COL26A1: variants seen among roughly 807,000 people sequenced by gnomAD.
The protein encoded by COL26A1 is collagen alpha-1(XXVI) chain.
In COL26A1, 41 loss-of-function variants were observed where a neutral mutation model predicts 59.3. The ratio of observed to expected loss-of-function variants is 0.69; its 90% CI spans 0.54 to 0.90. COL26A1 has a LOEUF of 0.90. Among genes scored for constraint, COL26A1 ranks in the 40% least tolerant of loss-of-function variants. The pLI, the probability that COL26A1 is intolerant of heterozygous loss-of-function variation, is 0.00. For synonymous variants in COL26A1, 266 were observed against 256.0 expected (o/e 1.04, Z -0.37); for missense variants, 612 against 602.3 (o/e 1.02, Z -0.17).
At chr7:101,508,043 A>G (rs1384184534) in intron 3 of COL26A1, among the ~76,000 whole-genome samples, 1 of 152,146 alleles carries the variant, frequency 6.6e-6, no homozygotes, top group African/African-American at 2.4e-5. Flanking sequence ...TGAATCCCAC[A>G]GCCTCCTGGC....
chr7:101,434,572 T>G (rs1792869703), intron 2 of COL26A1, among the ~76,000 whole-genome samples: 1 of 152,002 alleles, frequency 6.6e-6, no homozygotes, highest in Non-Finnish European at 1.5e-5. Flanking sequence ...TGATTTTTTT[T>G]TTTTTAATAA....
intron 1 of COL26A1, among the ~76,000 whole-genome samples, chr7:101,372,467 G>A (rs1791218017): frequency 6.6e-6 from 1 of 152,098 alleles, no homozygotes; most frequent in South Asian, 2.1e-4. Flanking sequence ...TGGCCTTCTG[G>A]GGAGCATTTT....
chr7:101,370,070 A>G (rs1024627385), intron 1 of COL26A1, among the ~76,000 whole-genome samples: 1 of 152,004 alleles, frequency 6.6e-6, no homozygotes, highest in Non-Finnish European at 1.5e-5. Flanking sequence ...CATGTTGGTC[A>G]GGCTGGTCTC....
intron 1 of COL26A1, among the ~76,000 whole-genome samples, chr7:101,409,241 G>A (rs1411215970): frequency 7.2e-5 from 11 of 152,108 alleles, no homozygotes; most frequent in Non-Finnish European, 2.9e-5. Flanking sequence ...CCTCCTCCTT[G>A]CTATTTTTCC....
intron 5 of COL26A1, 24 bp from the exon 6 acceptor site, chr7:101,543,974 T>C: frequency 6.6e-7 from 1 of 1,512,076 alleles, no homozygotes; most frequent in African/African-American, 1.4e-5. Flanking sequence ...CATGTTCTGA[T>C]GCCCTGTCTC....
At chr7:101,410,256 A>G (rs966309029) in intron 1 of COL26A1, among the ~76,000 whole-genome samples, 1 of 152,164 alleles carries the variant, frequency 6.6e-6, no homozygotes, top group Admixed American at 6.6e-5. Flanking sequence ...GCAAACTCTA[A>G]AAAGTATTGC....
At chr7:101,520,719 T>C (rs1795126842) in intron 3 of COL26A1, among the ~76,000 whole-genome samples, 1 of 151,792 alleles carries the variant, frequency 6.6e-6, no homozygotes, top group Non-Finnish European at 1.5e-5. Flanking sequence ...GTGGTCTTCC[T>C]TTTGCTCCCC....
intron 1 of COL26A1, among the ~76,000 whole-genome samples, chr7:101,367,689 G>A (rs114418487): frequency 2.6e-4 from 24 of 92,312 alleles, no homozygotes; most frequent in Non-Finnish European, 4.0e-4. Context: ...AAAAAAAAAA[G>A]AAGAAGAGAA....
rs758163261 is a variant in COL26A1, at chr7:101,544,031, C to A, written c.638C>A (p.Ala213Glu). 6.3e-7 allele frequency: 1 copy of A among 1,596,750 alleles called. No individual in the cohort carries two copies. Among genetic ancestry groups the A allele is most frequent in the Non-Finnish European group, 8.5e-7 (1 of 1,172,450 alleles). The part of the protein sequence containing the change: ...PPGQTGPPGP[A>E]GPPGSKGDRG... The stretch of plus-strand genomic sequence containing the variant: ...GGGCAGACAGGACCACCAGGGCCTG[C>A]AGGCCCCCCCGGGTCTAAAGGTGAC... The change falls in exon 6 of 13, where the codon GCA becomes GAA. Residue 213 changes from alanine (A) to glutamate (E), a missense_variant. Transcript: ENST00000313669.
At chr7:101,379,181 G>T (rs1054598217) in intron 1 of COL26A1, among the ~76,000 whole-genome samples, 7 of 152,156 alleles carry the variant, frequency 4.6e-5, no homozygotes, top group Admixed American at 4.6e-4. Flanking sequence ...GCTCCAAGAA[G>T]TCTTGGCCTG....
intron 1 of COL26A1, among the ~76,000 whole-genome samples, chr7:101,386,235 T>G (rs890229440): frequency 2.5e-4 from 38 of 150,574 alleles, no homozygotes; most frequent in African/African-American, 8.8e-4. Context: ...TGAGCAGGCC[T>G]CCTCTGGTCC....
chr7:101,426,192 A>G (rs1366839976), intron 2 of COL26A1, among the ~76,000 whole-genome samples: 1 of 152,116 alleles, frequency 6.6e-6, no homozygotes, highest in Non-Finnish European at 1.5e-5. Flanking sequence ...CGTGCTGGGT[A>G]GAATTCCCTG....
intron 3 of COL26A1, among the ~76,000 whole-genome samples, chr7:101,520,663 C>CACACACACACACACACACACACACACA (rs57784373): frequency 7.2e-6 from 1 of 139,066 alleles, no homozygotes; most frequent in African/African-American, 3.2e-5. Context: ...CACACACACA[C>CACACACACACACACACACACACACACA]CCCCGTGTTC....
At chr7:101,402,529 CTCTTTCTTTTCT>C (rs1447606845) in intron 1 of COL26A1, among the ~76,000 whole-genome samples, 1 of 151,964 alleles carries the variant, frequency 6.6e-6, no homozygotes, top group Non-Finnish European at 1.5e-5. Flanking sequence ...ATTCTATTTT[CTCTTTCTTTTCT>C]TCTTTCTTTC....
intron 3 of COL26A1, among the ~76,000 whole-genome samples, chr7:101,472,964 C>T (rs1231479509): frequency 6.6e-6 from 1 of 152,200 alleles, no homozygotes; most frequent in Admixed American, 6.5e-5. Context: ...TATTTATTGC[C>T]TGGGCCTCTC....
At chr7:101,499,320 T>C (rs1186838120) in intron 3 of COL26A1, among the ~76,000 whole-genome samples, 1 of 152,116 alleles carries the variant, frequency 6.6e-6, no homozygotes, top group East Asian at 1.9e-4. Flanking sequence ...GGTGGGAGGA[T>C]TACTTGAGCT....
intron 3 of COL26A1, 125 bp downstream of exon 3, chr7:101,447,912 C>T: frequency 1.5e-6 from 1 of 669,964 alleles, no homozygotes; most frequent in Non-Finnish European, 2.7e-6. Context: ...TTTCCTTTTC[C>T]CAATCGCCTC....
At chr7:101,553,476 G>A (rs1377224625) in intron 11 of COL26A1, 100 bp downstream of exon 11, 3 of 1,197,472 alleles carry the variant, frequency 2.5e-6, no homozygotes, top group Middle Eastern at 2.1e-4. Context: ...CCGTCAGCCA[G>A]CCCCGAGCTG....
intron 1 of COL26A1, among the ~76,000 whole-genome samples, chr7:101,371,743 G>A (rs1340727206): frequency 2.0e-5 from 3 of 152,204 alleles, no homozygotes; most frequent in African/African-American, 7.2e-5. Context: ...AGTGAGCTAT[G>A]ATTACACCAC....
Sources: gnomAD v4.1 joint callset for allele counts (sites outside exome capture counted in the v4.1 genomes callset) on GRCh38, gnomAD v4.1.1 for gene constraint, MANE v1.5 for transcripts, NCBI Gene and HGNC (gene_info 2026-07-23, HGNC 2026-07-21) for gene names.